The following CDCA7L variants were observed in gnomAD, a reference collection of about 807,000 sequenced individuals.
CDCA7L encodes cell division cycle associated 7 like, also known as cell division cycle-associated 7-like protein.
In CDCA7L, 44 loss-of-function variants were observed where a neutral mutation model predicts 57.4. The ratio of observed to expected loss-of-function variants is 0.77; its 90% confidence interval spans 0.60 to 0.98. The LOEUF (loss-of-function observed/expected upper bound fraction) is 0.98. Ranked by LOEUF, CDCA7L falls within the 50% of genes least tolerant of loss-of-function variation. CDCA7L has a pLI of 0.00. For synonymous variants in CDCA7L, 236 were observed against 202.8 expected (o/e 1.16, Z -1.39); for missense variants, 644 against 580.6 (o/e 1.11, Z -1.12).
intron 2 of CDCA7L, 138 bp downstream of exon 2, chr7:21,916,616 A>C (rs1311980174): frequency 1.3e-6 from 1 of 772,320 alleles, no homozygotes; most frequent in Non-Finnish European, 2.1e-6. Context: ...AGGAAGACAC[A>C]GACATAATGT....
In CDCA7L at chr7:21,906,157, G is replaced by C. The variant is rs532195820; in HGVS notation, c.921+132C>G. 84 of 808,292 alleles carry C rather than the reference G, an allele frequency of 1.0e-4. 1 individual carries two copies. Among genetic ancestry groups the C allele is most frequent in the South Asian group, 9.3e-4 (49 of 52,916 alleles). The allele number at this position is 808,292 out of a possible 1,614,324, so 50.1% of individuals were successfully genotyped here. A position where few individuals can be genotyped will look rare whatever the true frequency, so the allele number is the denominator to read the frequency against. Reference sequence around the variant, plus strand: ...GCAATGGCATCACCTGGGAAGCAGAGAGAAATGCAAGTTCTCAGCTGCCGC... The same window carrying C: ...GCAATGGCATCACCTGGGAAGCAGACAGAAATGCAAGTTCTCAGCTGCCGC... On this transcript the variant is annotated intron_variant, in intron 6 of 9. Coordinates refer to ENST00000406877, the MANE Select transcript of CDCA7L (RefSeq NM_018719.5).
intron 2 of CDCA7L, among the ~76,000 whole-genome samples, chr7:21,914,972 A>G (rs2128061265): frequency 6.6e-6 from 1 of 152,184 alleles, no homozygotes. Context: ...GCCTTGCTCA[A>G]ATGCTCCTCA....
At chr7:21,934,457 A>T (rs1303583526) in intron 1 of CDCA7L, among the ~76,000 whole-genome samples, 1 of 152,202 alleles carries the variant, frequency 6.6e-6, no homozygotes, top group Non-Finnish European at 1.5e-5. Context: ...ATGTGCCAAT[A>T]CTAAGCAATC....
intron 1 of CDCA7L, among the ~76,000 whole-genome samples, chr7:21,927,894 C>A (rs1287674267): frequency 1.3e-5 from 2 of 152,230 alleles, no homozygotes; most frequent in Non-Finnish European, 2.9e-5. Flanking sequence ...CCAGCTTAAG[C>A]AGACTTAAAC....
At chr7:21,923,810 T>C (rs1285298353) in intron 1 of CDCA7L, among the ~76,000 whole-genome samples, 5 of 152,236 alleles carry the variant, frequency 3.3e-5, no homozygotes, top group African/African-American at 1.2e-4. Context: ...TCCAGCTTTG[T>C]TCTATCCCAG....
chr7:21,906,616 C>T lies in CDCA7L; in HGVS notation c.705G>A (p.Leu235=). The change falls in exon 5 of 10, where the codon TTG becomes TTA. Residue 235 remains leucine, a synonymous_variant. Coordinates refer to ENST00000406877, the MANE Select transcript of CDCA7L (RefSeq NM_018719.5). ...KAMLAQLLAE[L]NSMPDFFPVR... is the part of the protein sequence containing the mutation. ...CTGGGAAGAAATCTGGCATCGAGTT[C>T]AATTCCGCCAATAACTGGGCAAGCT... 1 of 1,613,978 alleles carries T rather than the reference C, an allele frequency of 6.2e-7. No individual in the cohort carries two copies. Among genetic ancestry groups the T allele is most frequent in the Non-Finnish European group, 8.5e-7 (1 of 1,180,024 alleles).
In CDCA7L at chr7:21,902,904, A is replaced by G. The variant is rs544753382; in HGVS notation, c.1334+74T>C. The stretch of plus-strand genomic sequence containing the variant: ...TAAGTCACACGGGAAGGCAACAACT[A>G]CTTGCCCAGAGGGTCTCCTGTGCTC... On this transcript the variant is annotated intron_variant, in intron 9 of 9. Transcript: ENST00000406877. 2.8e-4 allele frequency: 402 copies of G among 1,433,090 alleles called. No homozygotes were observed. In the African/African-American group the frequency reaches 3.5e-3, roughly 12 times the overall value. The allele number at this position is 1,433,090 out of a possible 1,614,324, so 88.8% of individuals were successfully genotyped here. A position where few individuals can be genotyped will look rare whatever the true frequency, so the allele number is the denominator to read the frequency against.
rs1218983449 is a variant in CDCA7L, at chr7:21,936,272, T to C, written c.24+9509A>G. ...ACATTTAAAGAAGAACAAACACCAG[T>C]CTTTCTCAAAGTCTTCCAAAAACTT... On this transcript the variant is annotated intron_variant, in intron 1 of 9. Transcript: ENST00000406877. Among the ~76,000 whole-genome samples the C allele has an allele frequency of 2.0e-5, 3 of 152,156 alleles. No homozygotes were observed. In the East Asian group the frequency reaches 5.8e-4, roughly 29 times the overall value.
intron 3 of CDCA7L, among the ~76,000 whole-genome samples, chr7:21,911,171 A>T (rs1213653898): frequency 6.6e-6 from 1 of 151,676 alleles, no homozygotes; most frequent in Non-Finnish European, 1.5e-5. Flanking sequence ...CTTGGATTAC[A>T]GGTGCCCGCC....
chr7:21,918,963 C>T (rs999857564), intron 1 of CDCA7L, among the ~76,000 whole-genome samples: 5 of 152,148 alleles, frequency 3.3e-5, no homozygotes, highest in Admixed American at 2.6e-4. Context: ...ACAGTTTCAG[C>T]GTCCATTGAC....
Position 21,945,895 on chromosome 7 carries a change from C to T in CDCA7L, c.-91G>A, listed in dbSNP as rs183714786. ...CGGCGCACCAAGAACGCCCCGCGCCCGAGCAGCTAGCGCGCTCCGCCCGGA... is the reference window on the plus strand; with the variant it reads ...CGGCGCACCAAGAACGCCCCGCGCCTGAGCAGCTAGCGCGCTCCGCCCGGA... On this transcript the variant is annotated 5_prime_UTR_variant, in exon 1 of 10. Transcript: ENST00000406877. 1.4e-6 allele frequency: 2 copies of T among 1,411,030 alleles called. No homozygotes were observed. The highest frequency in any genetic ancestry group is 1.5e-5 in the African/African-American group (1 of 66,588). 87.4% of individuals were successfully genotyped at this position (1,411,030 alleles called of 1,614,324 possible).
Position 21,904,162 on chromosome 7 carries a change from G to A in CDCA7L, c.1145C>T (p.Pro382Leu), listed in dbSNP as rs376408493. 2.1e-5 allele frequency: 34 copies of A among 1,612,946 alleles called. No individual in the cohort carries two copies. The highest frequency in any genetic ancestry group is 2.7e-5 in the African/African-American group (2 of 74,864). Residue 382 changes from proline to leucine, a missense_variant, in exon 8 of 10, where the codon CCA becomes CTA. Coordinates refer to ENST00000406877, the MANE Select transcript of CDCA7L (RefSeq NM_018719.5). Reference sequence around the variant, plus strand: ...CTCCCCATAGCGGTTCCGCAGGCATGGTCCACAGAACTGTCCTCGCACACC... The same window carrying A: ...CTCCCCATAGCGGTTCCGCAGGCATAGTCCACAGAACTGTCCTCGCACACC... ...CCGVRGQFCG[P>L]CLRNRYGEDV...
chr7:21,908,147 T>G lies in CDCA7L; in HGVS notation c.664A>C (p.Lys222Gln). The change falls in exon 4 of 10, where the codon AAG becomes CAG. Residue 222 changes from lysine (K) to glutamine (Q), a missense_variant. Lys to Gln is a moderately conservative substitution (Grantham distance 53). Coordinates refer to ENST00000406877, the MANE Select transcript of CDCA7L (RefSeq NM_018719.5). Reference protein sequence around the residue: ...DALLKRTMNIKENKAMLAQLL... With the variant: ...DALLKRTMNIQENKAMLAQLL... ...AGCCTCACCATGGCTTTGTTCTCCT[T>G]GATGTTCATGGTCCTTTTCAGCAAA... The G allele has an allele frequency of 6.4e-7, 1 of 1,560,558 alleles. No individual in the cohort carries two copies. The highest frequency in any genetic ancestry group is 8.6e-7 in the Non-Finnish European group (1 of 1,164,026).
chr7:21,941,384 G>A (rs1025541187), intron 1 of CDCA7L, among the ~76,000 whole-genome samples: 1 of 152,186 alleles, frequency 6.6e-6, no homozygotes, highest in Admixed American at 6.5e-5. Context: ...CAAAGATGAC[G>A]ACTGTGCTAC....
chr7:21,910,269 G>C (rs940644118), intron 3 of CDCA7L, among the ~76,000 whole-genome samples: 1 of 152,202 alleles, frequency 6.6e-6, no homozygotes, highest in South Asian at 2.1e-4. Context: ...CTGGCAAGAA[G>C]CTAGGGACTT....
chr7:21,924,961 C>T (rs1406831900), intron 1 of CDCA7L, among the ~76,000 whole-genome samples: 3 of 152,240 alleles, frequency 2.0e-5, no homozygotes, highest in East Asian at 3.9e-4. Flanking sequence ...TAAATTAACA[C>T]ACACATGCAT....
At position 21,902,977 on chromosome 7, in the gene CDCA7L, C is replaced by A. The variant is rs1163847955; in HGVS notation, c.1334+1G>T. 1 of 1,613,486 alleles carries A rather than the reference C, an allele frequency of 6.2e-7. No homozygotes were observed. The highest frequency in any genetic ancestry group is 1.1e-5 in the South Asian group (1 of 90,956). ...TTGTAAGCTGCTAGAGACTTACTTA[C>A]CTCTCCAGATATTCCTTAACATTGT... On this transcript the variant is annotated splice_donor_variant, in intron 9 of 9. Transcript: ENST00000406877. LOFTEE classifies it high-confidence loss of function.
At chr7:21,926,522 A>G (rs1785832985) in intron 1 of CDCA7L, among the ~76,000 whole-genome samples, 1 of 152,218 alleles carries the variant, frequency 6.6e-6, no homozygotes. Flanking sequence ...TACAAATGAC[A>G]AACAAGTACA....
rs1175222860 is a variant in CDCA7L, at chr7:21,901,111, C to T, written c.*1211G>A. 1 of 1,613,836 alleles carries T rather than the reference C, an allele frequency of 6.2e-7. No individual in the cohort carries two copies. The highest frequency in any genetic ancestry group is 8.5e-7 in the Non-Finnish European group (1 of 1,179,832). Reference sequence around the variant, plus strand: ...TGCAAAAGCCACCCCCGTGGACAGACAAGAAACCAAACAGACCTACGAGTG... The same window carrying T: ...TGCAAAAGCCACCCCCGTGGACAGATAAGAAACCAAACAGACCTACGAGTG... On this transcript the variant is annotated 3_prime_UTR_variant, in exon 10 of 10. Coordinates refer to ENST00000406877, the MANE Select transcript of CDCA7L (RefSeq NM_018719.5).
Sources: gnomAD v4.1 joint callset for allele counts (sites outside exome capture counted in the v4.1 genomes callset) on GRCh38, gnomAD v4.1.1 for gene constraint, MANE v1.5 for transcripts, NCBI Gene and HGNC (gene_info 2026-07-23, HGNC 2026-07-21) for gene names.